Variants in PCSK5 observed in about 807,000 individuals in gnomAD.
The protein encoded by PCSK5 is prohormone convertase 5.
A neutral mutation model predicts 233.2 loss-of-function variants in PCSK5; 129 were observed. The observed-to-expected ratio is 0.55, with a 90% CI of 0.48 to 0.64. The LOEUF is 0.64. Among genes scored for constraint, PCSK5 ranks in the 30% least tolerant of loss-of-function variants. The probability of loss-of-function intolerance (pLI) is 0.00; values close to 1 mark genes in which losing one functional copy is unlikely to be tolerated. For synonymous variants in PCSK5, 825 were observed against 879.2 expected, an observed-to-expected ratio of 0.94 and a Z score of 1.09; for missense variants, 2,076 against 2,430.1, an observed-to-expected ratio of 0.85 and a Z score of 3.06.
At chr9:76,008,818 T>C (rs1180148246) in intron 3 of PCSK5, among the ~76,000 whole-genome samples, 1 of 152,224 alleles carries the variant, frequency 6.6e-6, no homozygotes, top group African/African-American at 2.4e-5. Context: ...GTTGGAGATG[T>C]CATAGGACAA....
intron 5 of PCSK5, among the ~76,000 whole-genome samples, chr9:76,034,350 C>G (rs975422742): frequency 2.6e-5 from 4 of 152,158 alleles, no homozygotes; most frequent in African/African-American, 4.8e-5. Flanking sequence ...TTCCTTGTTT[C>G]TGGTCTTCCC....
At chr9:76,182,785 G>C (rs934002169) in intron 16 of PCSK5, among the ~76,000 whole-genome samples, 1 of 152,178 alleles carries the variant, frequency 6.6e-6, no homozygotes. Context: ...CATGGTATAT[G>C]ATGGCACTGA....
chr9:75,894,083 G>T (rs1825716396), intron 1 of PCSK5, among the ~76,000 whole-genome samples: 1 of 152,176 alleles, frequency 6.6e-6, no homozygotes, highest in African/African-American at 2.4e-5. Flanking sequence ...AGATGCGTCT[G>T]GAATGTTCTG....
chr9:75,958,377 A>C (rs1825188032), intron 2 of PCSK5, among the ~76,000 whole-genome samples: 1 of 152,320 alleles, frequency 6.6e-6, no homozygotes, highest in Non-Finnish European at 1.5e-5. Context: ...GAGGAGAATG[A>C]AACGAGTTTA....
At chr9:76,037,714 TCAGAAACCTC>T (rs1332528775) in intron 5 of PCSK5, among the ~76,000 whole-genome samples, 1 of 152,082 alleles carries the variant, frequency 6.6e-6, no homozygotes, top group African/African-American at 2.4e-5. Flanking sequence ...CCTGTGAAAA[TCAGAAACCTC>T]CTCTTACCCT....
intron 9 of PCSK5, among the ~76,000 whole-genome samples, chr9:76,112,505 T>G (rs754323691): frequency 1.4e-4 from 22 of 152,166 alleles, no homozygotes; most frequent in South Asian, 4.1e-4. Context: ...CACAGACATA[T>G]ACACATTCAC....
intron 5 of PCSK5, among the ~76,000 whole-genome samples, chr9:76,055,620 T>C (rs528323176): frequency 2.0e-4 from 30 of 152,260 alleles, no homozygotes; most frequent in African/African-American, 7.0e-4. Context: ...TGAAGGAATA[T>C]AGTCACTGCT....
In PCSK5 at chr9:76,146,532, A is replaced by G. The variant is rs544555181; in HGVS notation, c.1313-10513A>G. ...AATATGTATATATACATGTATGTAT[A>G]TATATATATGTGTATATATATATTG... On this transcript the variant is annotated intron_variant, in intron 10 of 37. Coordinates refer to ENST00000674117, the MANE Select transcript of PCSK5 (RefSeq NM_001372043.1). Among the ~76,000 whole-genome samples, 5 of 150,634 alleles carry G rather than the reference A, an allele frequency of 3.3e-5. No homozygotes were observed. In the South Asian group the frequency reaches 8.4e-4, roughly 25 times the overall value.
intron 9 of PCSK5, among the ~76,000 whole-genome samples, chr9:76,110,831 A>C (rs1378520795): frequency 6.6e-6 from 1 of 152,254 alleles, no homozygotes; most frequent in Non-Finnish European, 1.5e-5. Flanking sequence ...TGCTATGGCC[A>C]GGAACAGTGG....
intron 3 of PCSK5, among the ~76,000 whole-genome samples, chr9:76,005,209 TTAGAG>T (rs2131438436): frequency 6.6e-6 from 1 of 152,312 alleles, no homozygotes; most frequent in East Asian, 1.9e-4. Flanking sequence ...CTCTTTGTCC[TTAGAG>T]TATATTCCCT....
chr9:76,021,884 T>A (rs995646884), intron 3 of PCSK5, among the ~76,000 whole-genome samples: 4 of 152,202 alleles, frequency 2.6e-5, no homozygotes, highest in Non-Finnish European at 1.5e-5. Flanking sequence ...ACTTTCTGCC[T>A]TCTGTGCCAT....
chr9:76,113,766 T>C (rs750895945), intron 9 of PCSK5, among the ~76,000 whole-genome samples: 21 of 152,146 alleles, frequency 1.4e-4, no homozygotes, highest in Non-Finnish European at 2.5e-4. Context: ...TCTTATCATC[T>C]GTGTATTTTT....
chr9:76,265,801 A>G (rs545883410), intron 24 of PCSK5, among the ~76,000 whole-genome samples: 3 of 152,200 alleles, frequency 2.0e-5, no homozygotes, highest in Non-Finnish European at 4.4e-5. Flanking sequence ...ACCACCTTCT[A>G]AAGCAAATGT....
chr9:75,972,868 G>T (rs1235084241), intron 2 of PCSK5, among the ~76,000 whole-genome samples: 2 of 152,116 alleles, frequency 1.3e-5, no homozygotes, highest in Non-Finnish European at 2.9e-5. Context: ...TAATCTCCAG[G>T]CTTTGAAATG....
chr9:76,186,655 A>C (rs1351497637), intron 17 of PCSK5, among the ~76,000 whole-genome samples: 1 of 152,070 alleles, frequency 6.6e-6, no homozygotes, highest in Non-Finnish European at 1.5e-5. Flanking sequence ...CATACAGTGC[A>C]ACCTCTGTGT....
intron 24 of PCSK5, among the ~76,000 whole-genome samples, chr9:76,259,000 C>A (rs1827072389): frequency 6.6e-6 from 1 of 152,134 alleles, no homozygotes. Flanking sequence ...TAGCAAGCAA[C>A]CAGGGAGAGC....
intron 35 of PCSK5, among the ~76,000 whole-genome samples, chr9:76,344,842 A>G (rs899768172): frequency 1.3e-5 from 2 of 152,224 alleles, no homozygotes; most frequent in Non-Finnish European, 2.9e-5. Flanking sequence ...TTAACATTAG[A>G]CAATCATCAT....
At chr9:76,139,214 C>T (rs999942281) in intron 10 of PCSK5, among the ~76,000 whole-genome samples, 4 of 152,064 alleles carry the variant, frequency 2.6e-5, no homozygotes, top group Non-Finnish European at 5.9e-5. Flanking sequence ...AACCATTAAG[C>T]ATGCTGTGTG....
intron 14 of PCSK5, 67 bp downstream of exon 14, chr9:76,175,196 AGAACAGAATG>A (rs1436181449): frequency 3.0e-6 from 4 of 1,353,106 alleles, no homozygotes; most frequent in Non-Finnish European, 4.1e-6. Context: ...ACCACATGGG[AGAACAGAATG>A]GAATGGAATG....
Sources: allele counts gnomAD v4.1 joint callset (sites outside exome capture counted in the v4.1 genomes callset), GRCh38; gene constraint gnomAD v4.1.1; transcripts MANE v1.5; gene names NCBI Gene and HGNC (gene_info 2026-07-23, HGNC 2026-07-21).